The following ETAA1 variants were observed in gnomAD, a reference collection of about 807,000 sequenced individuals.
ETAA1 encodes ewing's tumor-associated antigen 1.
In ETAA1, 49 loss-of-function variants were observed where a neutral mutation model predicts 76.8. The ratio of observed to expected loss-of-function variants is 0.64; its 90% CI spans 0.51 to 0.81. The LOEUF (loss-of-function observed/expected upper bound fraction) is 0.81. Ranked by LOEUF, ETAA1 falls within the 30% of genes least tolerant of loss-of-function variation. The pLI, the probability that ETAA1 is intolerant of heterozygous loss-of-function variation, is 0.00. For missense variants in ETAA1, 1,099 were observed against 1,074.0 expected (o/e 1.02, Z -0.32); for synonymous variants, 373 against 372.2 (o/e 1.00, Z -0.03).
chr2:67,402,356 T>G (rs1186861201), intron 3 of ETAA1: 1 of 151,954 alleles, frequency 6.6e-6, no homozygotes, highest in African/African-American at 2.4e-5. Flanking sequence ...TGTTCTTAAT[T>G]TAGGTCAACA....
intron 5 of ETAA1, among the ~76,000 whole-genome samples, chr2:67,408,175 C>G (rs1048604315): frequency 6.6e-6 from 1 of 152,036 alleles, no homozygotes; most frequent in Non-Finnish European, 1.5e-5. Context: ...GCAAGCTGCT[C>G]TCCAGGGAAG....
intron 1 of ETAA1, among the ~76,000 whole-genome samples, chr2:67,398,547 AGGAT>A (rs1183604099): frequency 1.3e-5 from 2 of 152,012 alleles, no homozygotes; most frequent in Admixed American, 1.3e-4. Flanking sequence ...CGTGTTAGCC[AGGAT>A]GGTCTCGATT....
rs1480770401 is a variant in ETAA1 at position 67,410,972 on chromosome 2, C to G, written c.*934C>G. On this transcript the variant is annotated 3_prime_UTR_variant, in exon 6 of 6. Coordinates refer to ENST00000272342, the MANE Select transcript of ETAA1 (RefSeq NM_019002.4). Reference sequence around the variant, plus strand: ...CTGTTTGATAATAATGCTCATTGTTCCTTATTTTGCTTTAAAGAATTAGTC... The same window carrying G: ...CTGTTTGATAATAATGCTCATTGTTGCTTATTTTGCTTTAAAGAATTAGTC... The G allele has an allele frequency of 1.3e-5, 2 of 151,884 alleles. No individual in the cohort carries two copies. Among genetic ancestry groups the G allele is most frequent in the African/African-American group, 4.8e-5 (2 of 41,374 alleles). 9.4% of individuals were successfully genotyped at this position (151,884 alleles called of 1,614,324 possible). A position where few individuals can be genotyped will look rare whatever the true frequency, so the allele number is the denominator to read the frequency against.
Position 67,399,303 on chromosome 2 carries a change from T to C in ETAA1, c.352+6T>C. The C allele has an allele frequency of 6.3e-7, 1 of 1,599,806 alleles. No homozygotes were observed. The highest frequency in any genetic ancestry group is 8.5e-7 in the Non-Finnish European group (1 of 1,173,146). On this transcript the variant is annotated splice_donor_region_variant and intron_variant, in intron 2 of 5. Transcript: ENST00000272342. ...TCCATTGACAAAGCAGTTAGGTAAT[T>C]AATTATTAACATTTTTTATGTGAGT...
Position 67,405,227 on chromosome 2 carries a change from A to G in ETAA1, c.2545A>G (p.Ile849Val), listed in dbSNP as rs775879110. Residue 849 changes from isoleucine to valine, a missense_variant, in exon 5 of 6, where the codon ATT (isoleucine) becomes GTT (valine). Transcript: ENST00000272342. ...AACTGGAAGTATGTCTGATACCAAA[A>G]TTACACAGGGTGTGGAGAAAAAGAA... ...CITGSMSDTK[I>V]TQGVEKKKGV... The G allele has an allele frequency of 6.2e-7, 1 of 1,612,514 alleles. No individual in the cohort carries two copies. Among genetic ancestry groups the G allele is most frequent in the Non-Finnish European group, 8.5e-7 (1 of 1,179,106 alleles).
At chr2:67,398,758 CAATT>C (rs1675971066) in intron 1 of ETAA1, among the ~76,000 whole-genome samples, 1 of 152,068 alleles carries the variant, frequency 6.6e-6, no homozygotes, top group Admixed American at 6.5e-5. Flanking sequence ...TGAAGAATGG[CAATT>C]AATGTAGATT....
rs770676162 is a variant in ETAA1, at chr2:67,405,121, C to T, written c.2439C>T (p.Asn813=). ...TVTDEAQSNL[N]TTVGFSKFTF... is the part of the protein sequence containing the mutation. ...CAGATGAAGCTCAGAGCAACCTTAA[C>T]ACAACAGTTGGATTTTCAAAGTTTA... The change falls in exon 5 of 6, where the codon AAC becomes AAT. Residue 813 remains asparagine, a synonymous_variant. Transcript: ENST00000272342. The T allele has an allele frequency of 1.9e-5, 30 of 1,612,452 alleles. No individual in the cohort carries two copies. In the South Asian group the frequency reaches 2.6e-4, roughly 14 times the overall value.
At position 67,403,962 on chromosome 2, in the gene ETAA1, C is replaced by T. The variant is rs1463993704; in HGVS notation, c.1280C>T (p.Thr427Met). The part of the protein sequence containing the change: ...CTFNSKTVKN[T>M]SRANTSPDAR... ...TTTAATAGTAAAACTGTTAAAAATA[C>T]GTCAAGAGCAAATACAAGTCCAGAT... Residue 427 changes from threonine to methionine, a missense_variant, in exon 5 of 6, where the codon ACG becomes ATG. Physicochemically the swap from Thr to Met is moderately conservative, Grantham distance 81. Coordinates refer to ENST00000272342, the MANE Select transcript of ETAA1 (RefSeq NM_019002.4). 15 of 1,608,394 alleles carry T rather than the reference C, an allele frequency of 9.3e-6. No homozygotes were observed. The highest frequency in any genetic ancestry group is 4.4e-5 in the South Asian group (4 of 90,460).
chr2:67,400,586 A>G (rs1676027230), intron 3 of ETAA1: 1 of 152,246 alleles, frequency 6.6e-6, no homozygotes, highest in African/African-American at 2.4e-5. Context: ...CAAAGGCTCA[A>G]TACGTGAAAC....
intron 1 of ETAA1, among the ~76,000 whole-genome samples, chr2:67,398,269 A>C (rs1056724841): frequency 6.7e-6 from 1 of 149,902 alleles, no homozygotes; most frequent in African/African-American, 2.4e-5. Context: ...AAACTCATAC[A>C]AAAGCCTTTA....
rs780737436 is a variant in ETAA1 at position 67,403,441 on chromosome 2, G to T, written c.759G>T (p.Lys253Asn). ...IVPEIDNATKKPIKGNTKISV... is the reference protein window; with the variant it reads ...IVPEIDNATKNPIKGNTKISV... ...CCGAAATAGATAATGCTACAAAAAA[G>T]CCAATCAAAGGAAACACCAAGATAT... Residue 253 changes from lysine to asparagine, a missense_variant, in exon 5 of 6, where the codon AAG (lysine) becomes AAT (asparagine). Lys to Asn is a moderately conservative substitution (Grantham distance 94). Transcript: ENST00000272342. 18 of 1,612,654 alleles carry T rather than the reference G, an allele frequency of 1.1e-5. No individual in the cohort carries two copies. Among genetic ancestry groups the T allele is most frequent in the Non-Finnish European group, 1.5e-5 (18 of 1,179,072 alleles).
chr2:67,405,372 C>T lies in ETAA1; in HGVS notation c.2653+37C>T, dbSNP rs1676188874. On this transcript the variant is annotated intron_variant, in intron 5 of 5. Coordinates refer to ENST00000272342, the MANE Select transcript of ETAA1 (RefSeq NM_019002.4). ...ATATGAAATAGTTTTCTTTGAAAAGCATCTTAAAAAGTAGTAAAATAATTA... is the reference window on the plus strand; with the variant it reads ...ATATGAAATAGTTTTCTTTGAAAAGTATCTTAAAAAGTAGTAAAATAATTA... The T allele has an allele frequency of 4.2e-6, 6 of 1,443,724 alleles. No individual in the cohort carries two copies. In the East Asian group the frequency reaches 1.4e-4, roughly 34 times the overall value. 89.4% of individuals were successfully genotyped at this position (1,443,724 alleles called of 1,614,324 possible).
chr2:67,408,636 T>G (rs1249424501), intron 5 of ETAA1, among the ~76,000 whole-genome samples: 1 of 152,190 alleles, frequency 6.6e-6, no homozygotes, highest in Non-Finnish European at 1.5e-5. Context: ...TTGTGTATTT[T>G]TATTATAGAT....
intron 3 of ETAA1, 147 bp downstream of exon 3, chr2:67,399,773 A>G: frequency 1.9e-6 from 1 of 523,398 alleles, no homozygotes; most frequent in Non-Finnish European, 3.4e-6. Context: ...TGCCTTTTCT[A>G]CTTTTGAAAT....
Position 67,404,458 on chromosome 2 carries a change from A to C in ETAA1, c.1776A>C (p.Ala592=). Residue 592 remains alanine (A), a synonymous_variant, in exon 5 of 6, where the codon GCA becomes GCC. Coordinates refer to ENST00000272342, the MANE Select transcript of ETAA1 (RefSeq NM_019002.4). The stretch of plus-strand genomic sequence containing the variant: ...CATTTGCCAATGAAATTATTAAAGC[A>C]TGTCATCAATTAGATAATACCTGGG... ...DPSFANEIIK[A]CHQLDNTWEA... is the part of the protein sequence containing the mutation. 1 of 1,613,322 alleles carries C rather than the reference A, an allele frequency of 6.2e-7. No homozygotes were observed. The highest frequency in any genetic ancestry group is 8.5e-7 in the Non-Finnish European group (1 of 1,179,514).
At chr2:67,405,756 T>C (rs1489863676) in intron 5 of ETAA1, among the ~76,000 whole-genome samples, 1 of 152,064 alleles carries the variant, frequency 6.6e-6, no homozygotes, top group Non-Finnish European at 1.5e-5. Context: ...TATTTAGAAA[T>C]TTAGAGCATT....
At chr2:67,398,781 T>G (rs1280908533) in intron 1 of ETAA1, among the ~76,000 whole-genome samples, 1 of 152,066 alleles carries the variant, frequency 6.6e-6, no homozygotes, top group Non-Finnish European at 1.5e-5. Context: ...TTAGATAGAG[T>G]TGGTGAAAGG....
intron 3 of ETAA1, 107 bp downstream of exon 3, chr2:67,399,733 C>A (rs1676000908): frequency 2.9e-6 from 2 of 696,482 alleles, no homozygotes; most frequent in African/African-American, 1.9e-5. Flanking sequence ...ATTCTTTTTT[C>A]CAAAAATAAG....
chr2:67,404,156 G>A lies in ETAA1; in HGVS notation c.1474G>A (p.Asp492Asn). 1.9e-6 allele frequency: 3 copies of A among 1,595,432 alleles called. No homozygotes were observed. The highest frequency in any genetic ancestry group is 2.6e-6 in the Non-Finnish European group (3 of 1,173,120). ...CTCTTCCAATAAAATTGTTATTCAA[G>A]ACGAAATTCAAAATTGTATAGTTAC... ...ENSSNKIVIQ[D>N]EIQNCIVTSN... Residue 492 changes from aspartate (D) to asparagine (N), a missense_variant, in exon 5 of 6, where the codon GAC (aspartate) becomes AAC (asparagine). Physicochemically the swap from Asp to Asn is conservative, Grantham distance 23 (BLOSUM62 1). Coordinates refer to ENST00000272342, the MANE Select transcript of ETAA1 (RefSeq NM_019002.4).
Sources: gnomAD v4.1 joint callset for allele counts (sites outside exome capture counted in the v4.1 genomes callset) on GRCh38, gnomAD v4.1.1 for gene constraint, MANE v1.5 for transcripts, NCBI Gene and HGNC (gene_info 2026-07-23, HGNC 2026-07-21) for gene names.